DHTKD1: variants seen among roughly 807,000 people sequenced by gnomAD.
DHTKD1 encodes the protein dehydrogenase E1 and transketolase domain containing 1.
In DHTKD1, 78 loss-of-function variants were observed where a neutral mutation model predicts 101.8. That is an observed-to-expected ratio of 0.77 (90% CI 0.64 to 0.93). The LOEUF is 0.93. Among genes scored for constraint, DHTKD1 ranks in the 40% least tolerant of loss-of-function variants. The pLI is 0.00. For synonymous variants in DHTKD1, 462 were observed against 450.3 expected, an observed-to-expected ratio of 1.03 and a Z score of -0.33; for missense variants, 1,223 against 1,161.7, an observed-to-expected ratio of 1.05 and a Z score of -0.77.
At chr10:12,084,244 A>G (rs1184576823) in intron 2 of DHTKD1, among the ~76,000 whole-genome samples, 2 of 152,046 alleles carry the variant, frequency 1.3e-5, no homozygotes, top group African/African-American at 4.8e-5. Context: ...AGTTATTAAG[A>G]ACAAAGCACT....
At chr10:12,117,014 T>C (rs1022922732) in intron 13 of DHTKD1, among the ~76,000 whole-genome samples, 1 of 151,510 alleles carries the variant, frequency 6.6e-6, no homozygotes, top group Non-Finnish European at 1.5e-5. Flanking sequence ...TTTGGTTTGT[T>C]TTGTTTCGGA....
At chr10:12,086,099 A>G (rs1832892143) in intron 3 of DHTKD1, among the ~76,000 whole-genome samples, 2 of 151,380 alleles carry the variant, frequency 1.3e-5, no homozygotes, top group Admixed American at 1.3e-4. Context: ...CGATCTCCTG[A>G]CTTCATGATC....
chr10:12,088,851 C>A, intron 4 of DHTKD1, 135 bp from the exon 5 acceptor site: 1 of 793,350 alleles, frequency 1.3e-6, no homozygotes, highest in East Asian at 2.5e-5. Flanking sequence ...TCCCAAAGTG[C>A]TGGAATTACA....
At chr10:12,120,697 A>G (rs1833513523) in intron 16 of DHTKD1, 90 bp from the exon 17 acceptor site, 8 of 1,104,462 alleles carry the variant, frequency 7.2e-6, no homozygotes, top group South Asian at 2.6e-5. Flanking sequence ...TAAACAAGCT[A>G]AGAGAAATAC....
At chr10:12,094,537 A>C (rs372796303) in intron 7 of DHTKD1, among the ~76,000 whole-genome samples, 7 of 151,766 alleles carry the variant, frequency 4.6e-5, no homozygotes, top group Non-Finnish European at 7.4e-5. Flanking sequence ...GAGTTTTGCC[A>C]TGTTGGCCAG....
At position 12,089,191 on chromosome 10, in the gene DHTKD1, G is replaced by A. The variant is rs17849603; in HGVS notation, c.923G>A (p.Arg308His). 7.2e-5 allele frequency: 116 copies of A among 1,614,138 alleles called. 1 individual carries two copies. The highest frequency in any genetic ancestry group is 5.6e-4 in the South Asian group (51 of 91,082). Residue 308 changes from arginine to histidine, a missense_variant, in exon 5 of 17, where the codon CGC becomes CAC. By Grantham distance (29) the Arg-to-His change is conservative. Transcript: ENST00000263035. The part of the protein sequence containing the change: ...VGKTRGRQQS[R>H]QDGDYSPDNS... ...AAAACTCGCGGCAGGCAGCAGTCTC[G>A]CCAAGACGGCGATTACTCTCCAGAC...
chr10:12,104,155 A>C (rs2131618354), intron 10 of DHTKD1, among the ~76,000 whole-genome samples: 1 of 152,288 alleles, frequency 6.6e-6, no homozygotes, highest in South Asian at 2.1e-4. Context: ...TTCAAGGTCC[A>C]TCCATGCATG....
In DHTKD1 at chr10:12,103,491, C is replaced by CTGTGTGTGTG. The variant is rs55809304; in HGVS notation, c.1896+2338_1896+2347dup. ...CCCCAACTTCGTTGTACATCTCAATCTGTGTGTGTGTGTGTGTGTGTGTGT... is the reference window on the plus strand; with the variant it reads ...CCCCAACTTCGTTGTACATCTCAATCTGTGTGTGTGTGTGTGTGTGTGTGTGTGTGTGTGT... On this transcript the variant is annotated intron_variant, in intron 10 of 16. Transcript: ENST00000263035. This position sits in a 1 kb window ranked among gnomAD's most constrained non-coding sequence, Gnocchi z 4.8. 0.053 allele frequency among the ~76,000 whole-genome samples: 7,702 copies of CTGTGTGTGTG among 144,868 alleles called. 225 individuals carry two copies. Among genetic ancestry groups the CTGTGTGTGTG allele is most frequent in the Admixed American group, 0.069 (978 of 14,198 alleles).
intron 1 of DHTKD1, among the ~76,000 whole-genome samples, chr10:12,076,599 G>A (rs1832735267): frequency 6.6e-6 from 1 of 152,214 alleles, no homozygotes; most frequent in African/African-American, 2.4e-5. Context: ...TTGGGAGGCT[G>A]AGGCAGGAGG....
chr10:12,117,693 A>C lies in DHTKD1; in HGVS notation c.2340A>C (p.Gln780His). Residue 780 changes from glutamine (Q) to histidine (H), a missense_variant, in exon 14 of 17, where the codon CAA (glutamine) becomes CAC (histidine). By Grantham distance (24) the Gln-to-His change is conservative. Transcript: ENST00000263035. ...CGTAGGCAGCCGTGTCAACTCTTCA[A>C]GAAATGGCACCAGGAACAACATTTA... ...LRLPAAVSTL[Q>H]EMAPGTTFNP... is the part of the protein sequence containing the mutation. 6.2e-7 allele frequency: 1 copy of C among 1,607,058 alleles called. No homozygotes were observed. The highest frequency in any genetic ancestry group is 1.1e-5 in the South Asian group (1 of 89,994).
At chr10:12,106,547 G>A (rs1246410106) in intron 11 of DHTKD1, 151 bp downstream of exon 11, 2 of 976,426 alleles carry the variant, frequency 2.0e-6, no homozygotes, top group African/African-American at 1.6e-5. Context: ...TGTTATGACG[G>A]GAGTGTGGCC....
At chr10:12,118,566 T>TA (rs1391010089) in intron 14 of DHTKD1, among the ~76,000 whole-genome samples, 183 bp from the exon 15 acceptor site, 1 of 151,930 alleles carries the variant, frequency 6.6e-6, no homozygotes, top group Admixed American at 6.6e-5. Flanking sequence ...GTATTTTTAG[T>TA]AGAGACAGGG....
At chr10:12,084,793 G>GT (rs2131355112) in intron 3 of DHTKD1, 42 bp downstream of exon 3, 1 of 1,583,676 alleles carries the variant, frequency 6.3e-7, no homozygotes, top group Admixed American at 1.7e-5. Flanking sequence ...GCTCATGCCT[G>GT]TAATCCCAGC....
intron 15 of DHTKD1, among the ~76,000 whole-genome samples, chr10:12,119,428 A>T (rs374038615): frequency 5.9e-5 from 9 of 151,286 alleles, no homozygotes; most frequent in East Asian, 5.8e-4. Context: ...ATCCTGGCTA[A>T]CACAGTGAAA....
chr10:12,098,112 G>A (rs774170061), intron 8 of DHTKD1, 116 bp downstream of exon 8: 51 of 986,466 alleles, frequency 5.2e-5, no homozygotes, highest in Non-Finnish European at 7.0e-5. Flanking sequence ...ATTGTGTGTC[G>A]TTAGGTTCTA....
At chr10:12,070,892 G>A (rs1390192826) in intron 1 of DHTKD1, among the ~76,000 whole-genome samples, 1 of 152,192 alleles carries the variant, frequency 6.6e-6, no homozygotes, top group Non-Finnish European at 1.5e-5. Context: ...CTTCCTGAAA[G>A]TGACAAGATA....
At chr10:12,098,608 A>C (rs1283351555) in intron 8 of DHTKD1, among the ~76,000 whole-genome samples, 3 of 152,216 alleles carry the variant, frequency 2.0e-5, no homozygotes, top group Admixed American at 6.5e-5. Flanking sequence ...TCTGTCACCC[A>C]GGCTGGTGTG....
intron 1 of DHTKD1, among the ~76,000 whole-genome samples, chr10:12,080,738 G>T (rs1160417990): frequency 6.6e-6 from 1 of 151,158 alleles, no homozygotes; most frequent in African/African-American, 2.4e-5. Context: ...AGAAGAAAAA[G>T]AAGAAGTTTG....
chr10:12,109,978 A>T (rs1833302960), intron 12 of DHTKD1, among the ~76,000 whole-genome samples: 1 of 152,072 alleles, frequency 6.6e-6, no homozygotes, highest in Admixed American at 6.6e-5. Context: ...TCCATGGACC[A>T]CATGCGGCTC....
Sources: gnomAD v4.1 joint callset for allele counts (sites outside exome capture counted in the v4.1 genomes callset) on GRCh38, gnomAD v4.1.1 for gene constraint, Gnocchi (gnomAD v3.1) non-coding constraint, MANE v1.5 for transcripts, NCBI Gene and HGNC (gene_info 2026-07-23, HGNC 2026-07-21) for gene names.